The following TRIP12 variants were observed in gnomAD, a reference collection of about 807,000 sequenced individuals.
TRIP12 encodes E3 ubiquitin-protein ligase TRIP12.
Under a neutral mutation model 244.2 loss-of-function variants are expected in TRIP12, and 25 were observed. The ratio of observed to expected loss-of-function variants is 0.10; its 90% CI spans 0.07 to 0.14. The LOEUF is 0.14. TRIP12 is among the 10% of genes least tolerant of loss of function. The pLI is 1.00. For synonymous variants in TRIP12, 905 were observed against 873.1 expected (o/e 1.04, Z -0.64); for missense variants, 1,677 against 2,486.4 (o/e 0.67, Z 6.92).
intron 15 of TRIP12, among the ~76,000 whole-genome samples, chr2:229,810,505 T>A (rs190265506): frequency 6.6e-6 from 1 of 152,222 alleles, no homozygotes; most frequent in East Asian, 1.9e-4. Flanking sequence ...ATCAGAAAAA[T>A]TGCTAGAAAA....
At chr2:229,774,945 G>A (rs534538900) in intron 37 of TRIP12, among the ~76,000 whole-genome samples, 2 of 151,960 alleles carry the variant, frequency 1.3e-5, no homozygotes, top group East Asian at 3.9e-4. Flanking sequence ...GATTATGAAA[G>A]GCCCATGTAA....
intron 1 of TRIP12, among the ~76,000 whole-genome samples, chr2:229,886,369 G>C (rs1285057099): frequency 6.6e-6 from 1 of 152,156 alleles, no homozygotes; most frequent in African/African-American, 2.4e-5. Flanking sequence ...GCAAGAGAAA[G>C]GGCTACGTTA....
chr2:229,772,697 C>G (rs371742723), intron 38 of TRIP12, among the ~76,000 whole-genome samples: 12 of 152,012 alleles, frequency 7.9e-5, no homozygotes, highest in African/African-American at 2.9e-4. Context: ...CTCCTGACCT[C>G]GTGATCCGCC....
chr2:229,821,140 A>G (rs1230848138), intron 8 of TRIP12, among the ~76,000 whole-genome samples: 5 of 152,172 alleles, frequency 3.3e-5, no homozygotes, highest in Admixed American at 6.5e-5. Flanking sequence ...TTAGATAAAA[A>G]CTGAATTATA....
At position 229,804,194 on chromosome 2, in the gene TRIP12, C is replaced by T. The variant is rs147549640; in HGVS notation, c.2684G>A (p.Arg895Gln). The T allele has an allele frequency of 6.2e-7, 1 of 1,613,674 alleles. No individual in the cohort carries two copies. Among genetic ancestry groups the T allele is most frequent in the Non-Finnish European group, 8.5e-7 (1 of 1,179,898 alleles). The change falls in exon 19 of 42, where the codon CGA (arginine) becomes CAA (glutamine). Residue 895 changes from arginine to glutamine, a missense_variant. By Grantham distance (43) the Arg-to-Gln change is conservative. This residue lies in a region of TRIP12 where 572 missense variants were observed against 867.8 expected (regional missense o/e 0.66). Transcript: ENST00000675903. Reference sequence around the variant, plus strand: ...CGGATCCTCTTTCATAAGCTGTGCTCGAGCATCATCCTTCTTTGACTCTGA... The same window carrying T: ...CGGATCCTCTTTCATAAGCTGTGCTTGAGCATCATCCTTCTTTGACTCTGA... Reference protein sequence around the residue: ...GYSESKKDDARAQLMKEDPEL... With the variant: ...GYSESKKDDAQAQLMKEDPEL...
intron 1 of TRIP12, among the ~76,000 whole-genome samples, chr2:229,894,760 C>T (rs967981039): frequency 1.3e-5 from 2 of 152,308 alleles, no homozygotes; most frequent in Middle Eastern, 3.4e-3. Context: ...CGCAGCGATG[C>T]TCAGTATTTA....
intron 1 of TRIP12, among the ~76,000 whole-genome samples, chr2:229,911,572 G>C (rs1045745129): frequency 4.7e-4 from 72 of 152,238 alleles, no homozygotes; most frequent in African/African-American, 1.7e-3. Context: ...CAAATAGCTA[G>C]AGGGAAGATA....
intron 21 of TRIP12, 131 bp from the exon 22 acceptor site, chr2:229,799,514 C>T (rs923819847): frequency 1.9e-5 from 14 of 743,584 alleles, no homozygotes; most frequent in South Asian, 1.8e-4. Flanking sequence ...CGGTGGCTCA[C>T]GCCTGTAATC....
chr2:229,835,113 A>G (rs1210795802), intron 6 of TRIP12, among the ~76,000 whole-genome samples: 1 of 152,234 alleles, frequency 6.6e-6, no homozygotes, highest in African/African-American at 2.4e-5. Context: ...TAATTAGCTT[A>G]TTTCCCCATA....
At chr2:229,905,291 A>G (rs2072409678) in intron 1 of TRIP12, among the ~76,000 whole-genome samples, 2 of 151,650 alleles carry the variant, frequency 1.3e-5, no homozygotes, top group Non-Finnish European at 1.5e-5. Context: ...AAAAAAAAAA[A>G]GTGTATTTAA....
intron 8 of TRIP12, among the ~76,000 whole-genome samples, chr2:229,823,531 C>T (rs1197780823): frequency 6.6e-6 from 1 of 151,926 alleles, no homozygotes; most frequent in Non-Finnish European, 1.5e-5. Flanking sequence ...AAAAAATTAG[C>T]CAGGTGTGGT....
At chr2:229,823,212 T>G (rs962142018) in intron 8 of TRIP12, among the ~76,000 whole-genome samples, 1 of 152,200 alleles carries the variant, frequency 6.6e-6, no homozygotes, top group East Asian at 1.9e-4. Context: ...AGATATCAAC[T>G]CACATATTCA....
At chr2:229,795,030 C>T (rs1350440613) in intron 26 of TRIP12, 149 bp downstream of exon 26, 2 of 820,768 alleles carry the variant, frequency 2.4e-6, no homozygotes, top group Non-Finnish European at 3.6e-6. Context: ...GCATTTGATT[C>T]ATTCTTTAGA....
At chr2:229,808,225 C>G in intron 16 of TRIP12, 27 bp downstream of exon 16, 1 of 1,560,664 alleles carries the variant, frequency 6.4e-7, no homozygotes, top group Non-Finnish European at 8.8e-7. Context: ...CTTGGCCTCC[C>G]AAAGTGATAT....
At chr2:229,807,020 A>T (rs1468531601) in intron 17 of TRIP12, among the ~76,000 whole-genome samples, 1 of 152,230 alleles carries the variant, frequency 6.6e-6, no homozygotes, top group African/African-American at 2.4e-5. Context: ...ATTTAGTTTT[A>T]AAAATATTTC....
chr2:229,909,913 T>A (rs886176275), intron 1 of TRIP12, among the ~76,000 whole-genome samples: 17 of 152,216 alleles, frequency 1.1e-4, no homozygotes, highest in African/African-American at 4.1e-4. Flanking sequence ...TAATTCCATA[T>A]CCACTGCTAG....
At chr2:229,918,528 C>CA (rs2075924489) in intron 1 of TRIP12, among the ~76,000 whole-genome samples, 1 of 152,144 alleles carries the variant, frequency 6.6e-6, no homozygotes, top group African/African-American at 2.4e-5. Flanking sequence ...AGTCACAAAC[C>CA]AGAACAGGTA....
At chr2:229,865,329 AAAAAAAAAAAAAAAG>A (rs1224810243) in intron 2 of TRIP12, among the ~76,000 whole-genome samples, 4 of 66,520 alleles carry the variant, frequency 6.0e-5, no homozygotes, top group Admixed American at 4.6e-4. Flanking sequence ...AAAAAAAAAA[AAAAAAAAAAAAAAAG>A]AAAGAAAGAA....
intron 2 of TRIP12, among the ~76,000 whole-genome samples, chr2:229,861,890 AT>A (rs1008677030): frequency 3.3e-5 from 5 of 152,200 alleles, no homozygotes; most frequent in East Asian, 1.9e-4. Flanking sequence ...TTAAAAAAAA[AT>A]AACAAAAAAA....
Sources: gnomAD v4.1 joint callset for allele counts (sites outside exome capture counted in the v4.1 genomes callset) on GRCh38, gnomAD v4.1.1 for gene constraint, gnomAD v4.1.1 regional missense constraint, MANE v1.5 for transcripts, NCBI Gene and HGNC (gene_info 2026-07-23, HGNC 2026-07-21) for gene names.